The following ATP10D variants were observed in gnomAD, a reference collection of about 807,000 sequenced individuals.
The protein encoded by ATP10D is ATPase phospholipid transporting 10D (putative).
A neutral mutation model predicts 144.8 loss-of-function variants in ATP10D; 89 were observed. The observed-to-expected ratio is 0.61, with a 90% confidence interval of 0.52 to 0.73. The LOEUF is 0.73. ATP10D is among the 30% of genes least tolerant of loss of function. ATP10D has a pLI of 0.00. For synonymous variants in ATP10D, 571 were observed against 615.1 expected (o/e 0.93, Z 1.06); for missense variants, 1,603 against 1,714.8 (o/e 0.93, Z 1.15).
chr4:47,562,593 G>T (rs1719372385), intron 14 of ATP10D, among the ~76,000 whole-genome samples: 7 of 152,148 alleles, frequency 4.6e-5, no homozygotes, highest in Admixed American at 3.9e-4. Flanking sequence ...ACTGCTGGTT[G>T]GAATGTAAAT....
At chr4:47,560,648 C>A (rs1468366187) in intron 13 of ATP10D, among the ~76,000 whole-genome samples, 1 of 152,210 alleles carries the variant, frequency 6.6e-6, no homozygotes, top group Non-Finnish European at 1.5e-5. Context: ...GAGACCACTC[C>A]CAACTGCATA....
chr4:47,491,526 T>C (rs992445391), intron 1 of ATP10D: 29 of 525,526 alleles, frequency 5.5e-5, no homozygotes, highest in African/African-American at 4.0e-4. Context: ...CTTATAAATG[T>C]CTGTATCATA....
chr4:47,568,762 A>T (rs1490833172), intron 15 of ATP10D, 75 bp from the exon 16 acceptor site: 14 of 1,317,660 alleles, frequency 1.1e-5, no homozygotes, highest in Non-Finnish European at 1.5e-5. Context: ...TTGCTAAAAA[A>T]TGACAATAAA....
chr4:47,515,769 G>T (rs1170768924), intron 3 of ATP10D, 99 bp downstream of exon 3: 3 of 933,612 alleles, frequency 3.2e-6, no homozygotes, highest in Non-Finnish European at 4.7e-6. Flanking sequence ...GGACCCTTTT[G>T]TGGTGGTGTT....
chr4:47,531,431 A>T (rs952890991), intron 5 of ATP10D, among the ~76,000 whole-genome samples: 1 of 152,210 alleles, frequency 6.6e-6, no homozygotes, highest in Non-Finnish European at 1.5e-5. Context: ...GCCCAAGACT[A>T]CAGTGTATTT....
intron 12 of ATP10D, 148 bp downstream of exon 12, chr4:47,558,421 G>T: frequency 8.9e-7 from 1 of 1,128,456 alleles, no homozygotes. Context: ...AGGATTTGAT[G>T]GGAAAGCAAG....
chr4:47,589,469 T>G (rs1056035485), intron 22 of ATP10D, among the ~76,000 whole-genome samples: 1 of 152,168 alleles, frequency 6.6e-6, no homozygotes, highest in Non-Finnish European at 1.5e-5. Flanking sequence ...AAAATTCTCC[T>G]AGACTTCCTT....
At chr4:47,555,786 C>T (rs1272411220) in intron 11 of ATP10D, among the ~76,000 whole-genome samples, 1 of 151,384 alleles carries the variant, frequency 6.6e-6, no homozygotes, top group Non-Finnish European at 1.5e-5. Flanking sequence ...GACAGTCTTA[C>T]CCTGTCTCCC....
At chr4:47,535,446 A>T in intron 5 of ATP10D, 63 bp from the exon 6 acceptor site, 3 of 1,305,236 alleles carry the variant, frequency 2.3e-6, no homozygotes, top group Non-Finnish European at 2.1e-6. Flanking sequence ...GGGCCATGAG[A>T]TTTATTTTTA....
intron 21 of ATP10D, among the ~76,000 whole-genome samples, chr4:47,585,768 T>C (rs1224117874): frequency 6.6e-6 from 1 of 152,152 alleles, no homozygotes; most frequent in Non-Finnish European, 1.5e-5. Flanking sequence ...GTGCCTGCCT[T>C]ATTTCATTTA....
At chr4:47,581,452 C>G (rs1460172069) in intron 20 of ATP10D, among the ~76,000 whole-genome samples, 1 of 152,070 alleles carries the variant, frequency 6.6e-6, no homozygotes, top group Non-Finnish European at 1.5e-5. Context: ...ATTAGCCTTG[C>G]TGGAGTTTTC....
In ATP10D at chr4:47,514,397, G is replaced by A. The variant is rs62297973; in HGVS notation, c.291-1079G>A. Among the ~76,000 whole-genome samples the A allele has an allele frequency of 5.0e-3, 757 of 152,266 alleles. 1 individual carries two copies. The highest frequency in any genetic ancestry group is 7.6e-3 in the Non-Finnish European group (514 of 68,010). On this transcript the variant is annotated intron_variant, in intron 2 of 22. Coordinates refer to ENST00000273859, the MANE Select transcript of ATP10D (RefSeq NM_020453.4). ...AGATGTGGTCCACCTGGAAAGAATT[G>A]AAGCCACAGAGTAGCAGAAAGGGTT... is the stretch of plus-strand genomic sequence containing the variant.
chr4:47,580,925 T>C (rs1720483226), intron 20 of ATP10D, among the ~76,000 whole-genome samples: 1 of 152,102 alleles, frequency 6.6e-6, no homozygotes, highest in African/African-American at 2.4e-5. Flanking sequence ...TAGCTGAGTG[T>C]AGTGGTGTGG....
rs143098468 is a variant in ATP10D, at chr4:47,558,047, C to T, written c.2208C>T (p.Ala736=). The change falls in exon 12 of 23, where the codon GCC becomes GCT. Residue 736 remains alanine (A), a synonymous_variant. Coordinates refer to ENST00000273859, the MANE Select transcript of ATP10D (RefSeq NM_020453.4). ...ESPDEAALVY[A]ARAYQCTLRS... is the part of the protein sequence containing the mutation. ...CAGACGAAGCGGCCTTAGTGTATGC[C>T]GCCAGGGCTTACCAATGCACTTTAC... is the stretch of plus-strand genomic sequence containing the variant. 4.5e-5 allele frequency: 72 copies of T among 1,614,066 alleles called. No individual in the cohort carries two copies. Among genetic ancestry groups the T allele is most frequent in the Non-Finnish European group, 5.3e-5 (63 of 1,180,042 alleles).
chr4:47,546,756 G>A lies in ATP10D; in HGVS notation c.1529G>A (p.Gly510Glu). ...AGGACAGTTCATAATGGGCCTTTGG[G>A]AAATAAGCCCTCAAATCATCTTGCT... ...SCRTVHNGPL[G>E]NKPSNHLAGS... The change falls in exon 10 of 23, where the codon GGA (glycine) becomes GAA (glutamate). Residue 510 changes from glycine to glutamate, a missense_variant. Physicochemically the swap from Gly to Glu is moderately conservative, Grantham distance 98 (BLOSUM62 -2). Coordinates refer to ENST00000273859, the MANE Select transcript of ATP10D (RefSeq NM_020453.4). 6.2e-7 allele frequency: 1 copy of A among 1,614,090 alleles called. No homozygotes were observed. The highest frequency in any genetic ancestry group is 8.5e-7 in the Non-Finnish European group (1 of 1,179,988).
intron 4 of ATP10D, among the ~76,000 whole-genome samples, chr4:47,523,925 T>TTTG (rs141828352): frequency 4.6e-5 from 7 of 152,150 alleles, no homozygotes; most frequent in Non-Finnish European, 1.0e-4. Context: ...TTTAATGATT[T>TTTG]TTGTTGTTGT....
At chr4:47,527,319 A>G (rs1210534404) in intron 5 of ATP10D, among the ~76,000 whole-genome samples, 4 of 152,140 alleles carry the variant, frequency 2.6e-5, no homozygotes, top group Admixed American at 2.6e-4. Context: ...TGAATCCTAG[A>G]CTTAAATGTA....
intron 5 of ATP10D, among the ~76,000 whole-genome samples, chr4:47,531,315 T>C (rs1717557318): frequency 1.3e-5 from 2 of 152,106 alleles, no homozygotes; most frequent in South Asian, 4.1e-4. Context: ...CAGGAGATAA[T>C]GCTGGAATTA....
intron 9 of ATP10D, among the ~76,000 whole-genome samples, chr4:47,542,517 C>T (rs779654594): frequency 3.3e-5 from 5 of 152,070 alleles, no homozygotes; most frequent in African/African-American, 4.8e-5. Flanking sequence ...AGTCTAGTCT[C>T]GCCAGGTTGC....
Sources: gnomAD v4.1 joint callset for allele counts (sites outside exome capture counted in the v4.1 genomes callset) on GRCh38, gnomAD v4.1.1 for gene constraint, MANE v1.5 for transcripts, NCBI Gene and HGNC (gene_info 2026-07-23, HGNC 2026-07-21) for gene names.